Variants in MAST1 observed in about 807,000 individuals in gnomAD.
MAST1 encodes microtubule-associated serine/threonine-protein kinase 1.
In MAST1, 40 loss-of-function variants were observed where a neutral mutation model predicts 124.6. The observed-to-expected ratio is 0.32, with a 90% CI of 0.25 to 0.42. MAST1 has a LOEUF of 0.42. Ranked by LOEUF, MAST1 falls within the 10% of genes least tolerant of loss-of-function variation. The pLI, the probability that MAST1 is intolerant of heterozygous loss-of-function variation, is 1.00. For missense variants in MAST1, 1,558 were observed against 2,181.9 expected (o/e 0.71, Z 5.70); for synonymous variants, 938 against 939.4 (o/e 1.00, Z 0.03).
intron 3 of MAST1, among the ~76,000 whole-genome samples, chr19:12,842,734 T>G (rs781222559): frequency 2.0e-5 from 3 of 152,190 alleles, no homozygotes; most frequent in Non-Finnish European, 4.4e-5. Flanking sequence ...TGTGCAAGTT[T>G]CAATGTGTGG....
rs1410706513 is a variant in MAST1 at position 12,866,150 on chromosome 19, G to C, written c.2029+48G>C. ...ACCTGGGTCGAGGGGTGGGATCCGGGAAGAGGGACCCTGGGGTAAGTAAAG... is the reference window on the plus strand; with the variant it reads ...ACCTGGGTCGAGGGGTGGGATCCGGCAAGAGGGACCCTGGGGTAAGTAAAG... On this transcript the variant is annotated intron_variant, in intron 17 of 25. Transcript: ENST00000251472. This position sits in a 1 kb window ranked among gnomAD's most constrained non-coding sequence, Gnocchi z 5.2. 1 of 1,596,262 alleles carries C rather than the reference G, an allele frequency of 6.3e-7. No homozygotes were observed. Among genetic ancestry groups the C allele is most frequent in the Non-Finnish European group, 8.5e-7 (1 of 1,170,094 alleles).
In MAST1 at chr19:12,865,896, GT is replaced by G. The variant is rs1970147994; in HGVS notation, c.1906+79del. The G allele has an allele frequency of 6.2e-7, 1 of 1,603,856 alleles. No homozygotes were observed. The highest frequency in any genetic ancestry group is 8.5e-7 in the Non-Finnish European group (1 of 1,172,542). ...CAAAACCCCAGGCCCAGCCTGTGCT[GT>G]GGCCCCGGGGCGGAAGACATGGGGG... is the stretch of plus-strand genomic sequence containing the variant. On this transcript the variant is annotated intron_variant, in intron 16 of 25. Transcript: ENST00000251472. The surrounding 1 kb of genome is among the most constrained non-coding windows in gnomAD (Gnocchi z 7.1).
chr19:12,853,129 C>A (rs1405981363), intron 10 of MAST1, among the ~76,000 whole-genome samples: 1 of 151,062 alleles, frequency 6.6e-6, no homozygotes, highest in Non-Finnish European at 1.5e-5. Context: ...TAACACCACA[C>A]CCGGCTAATT....
rs1038954605 is a variant in MAST1, at chr19:12,873,399, G to A, written c.3339G>A (p.Ser1113=). The A allele has an allele frequency of 6.2e-7, 1 of 1,613,806 alleles. No homozygotes were observed. The highest frequency in any genetic ancestry group is 1.3e-5 in the African/African-American group (1 of 74,920). The part of the protein sequence containing the change: ...NLLHTSRSLS[S]LNRSLSSSDS... Reference sequence around the variant, plus strand: ...TGCATACTAGCCGCTCGCTGTCGTCGCTGAACCGCTCGCTGTCATCCAGCG... The same window carrying A: ...TGCATACTAGCCGCTCGCTGTCGTCACTGAACCGCTCGCTGTCATCCAGCG... Residue 1113 remains serine, a synonymous_variant, in exon 25 of 26, where the codon TCG becomes TCA. Coordinates refer to ENST00000251472, the MANE Select transcript of MAST1 (RefSeq NM_014975.3).
At chr19:12,840,632 T>G in intron 2 of MAST1, 98 bp downstream of exon 2, 1 of 891,572 alleles carries the variant, frequency 1.1e-6, no homozygotes, top group Non-Finnish European at 1.8e-6. Flanking sequence ...GGGGCGCAGT[T>G]TGAATGGAGG....
At position 12,874,819 on chromosome 19, in the gene MAST1, A is replaced by T; in HGVS notation, c.4662A>T (p.Pro1554=). 1.3e-6 allele frequency: 2 copies of T among 1,599,372 alleles called. No individual in the cohort carries two copies. Among genetic ancestry groups the T allele is most frequent in the Non-Finnish European group, 1.7e-6 (2 of 1,170,608 alleles). Reference sequence around the variant, plus strand: ...GGTGCCCTGCTGAAGCTGTGCCCCCAGCAGGCCTGACCAAAAAAGGAGTGT... The same window carrying T: ...GGTGCCCTGCTGAAGCTGTGCCCCCTGCAGGCCTGACCAAAAAAGGAGTGT... ...TSRCPAEAVP[P]AGLTKKGVSS... is the part of the protein sequence containing the mutation. The change falls in exon 26 of 26, where the codon CCA becomes CCT. Residue 1554 remains proline (P), a synonymous_variant. Transcript: ENST00000251472. This position sits in a 1 kb window ranked among gnomAD's most constrained non-coding sequence, Gnocchi z 6.6.
At position 12,874,067 on chromosome 19, in the gene MAST1, C is replaced by A. The variant is rs1353616246; in HGVS notation, c.3910C>A (p.Leu1304Met). 1 of 1,593,456 alleles carries A rather than the reference C, an allele frequency of 6.3e-7. No homozygotes were observed. The highest frequency in any genetic ancestry group is 1.8e-5 in the Admixed American group (1 of 56,402). The part of the protein sequence containing the change: ...FRKDFHGELA[L>M]HSLAESDGET... ...CAAGGACTTCCATGGCGAGCTGGCG[C>A]TGCATAGCCTTGCCGAGTCCGACGG... The change falls in exon 26 of 26, where the codon CTG (leucine) becomes ATG (methionine). Residue 1304 changes from leucine (L) to methionine (M), a missense_variant. Coordinates refer to ENST00000251472, the MANE Select transcript of MAST1 (RefSeq NM_014975.3). This position sits in a 1 kb window ranked among gnomAD's most constrained non-coding sequence, Gnocchi z 6.6.
Position 12,873,888 on chromosome 19 carries a change from C to CCGT in MAST1, c.3735_3737dup (p.Val1246dup). ...CCGGCCAAACTGCACTCATCGCCTCCCGTCGTGCGCCCGCGCCCCAAGAGT... is the reference window on the plus strand; with the variant it reads ...CCGGCCAAACTGCACTCATCGCCTCCCGTCGTCGTGCGCCCGCGCCCCAAGAGT... On this transcript the variant is annotated inframe_insertion, in exon 26 of 26. Transcript: ENST00000251472. The CCGT allele has an allele frequency of 6.3e-7, 1 of 1,580,744 alleles. No individual in the cohort carries two copies.
At chr19:12,863,716 T>C (rs1364163276) in intron 12 of MAST1, among the ~76,000 whole-genome samples, 2 of 152,148 alleles carry the variant, frequency 1.3e-5, no homozygotes, top group Non-Finnish European at 1.5e-5. Flanking sequence ...ACTGCCCCGG[T>C]TGCTGCACAT....
chr19:12,854,969 G>A (rs994997988), intron 10 of MAST1, among the ~76,000 whole-genome samples: 6 of 152,132 alleles, frequency 3.9e-5, no homozygotes, highest in Admixed American at 6.6e-5. Flanking sequence ...GATGGCTCAC[G>A]GCTGTAATCC....
intron 24 of MAST1, among the ~76,000 whole-genome samples, chr19:12,872,401 C>T (rs1031386601): frequency 6.6e-6 from 1 of 151,864 alleles, no homozygotes; most frequent in African/African-American, 2.4e-5. Context: ...GTGGAAGAGG[C>T]GGGACTAGAG....
rs200192170 is a variant in MAST1 at position 12,852,349 on chromosome 19, A to G, written c.1031A>G (p.Gln344Arg). Reference sequence around the variant, plus strand: ...CTAGATGTGGTGCATCTGGAGGAACAGGACAGTGGTGGTTCCAACACCCCT... The same window carrying G: ...CTAGATGTGGTGCATCTGGAGGAACGGGACAGTGGTGGTTCCAACACCCCT... ...PFPDVVHLEEQDSGGSNTPEQ... is the reference protein window; with the variant it reads ...PFPDVVHLEERDSGGSNTPEQ... The change falls in exon 10 of 26, where the codon CAG (glutamine) becomes CGG (arginine). Residue 344 changes from glutamine to arginine, a missense_variant. By Grantham distance (43) the Gln-to-Arg change is conservative. Transcript: ENST00000251472. The G allele has an allele frequency of 1.6e-5, 26 of 1,613,652 alleles. No homozygotes were observed. The East Asian group carries it at 4.7e-4, about 29-fold the overall frequency.
At position 12,867,997 on chromosome 19, in the gene MAST1, G is replaced by A. The variant is rs116174774; in HGVS notation, c.2566+20G>A. The A allele has an allele frequency of 1.8e-3, 2,656 of 1,515,616 alleles. 36 individuals are homozygous for A. The African/African-American group carries it at 0.032, about 18-fold the overall frequency. 93.9% of individuals were successfully genotyped at this position (1,515,616 alleles called of 1,614,324 possible). A position where few individuals can be genotyped will look rare whatever the true frequency, so the allele number is the denominator to read the frequency against. ...AGGCCAGTGAGTGCCCTATCGTGCT[G>A]CCTTCCCCAATCTTCCCCAATGTCC... On this transcript the variant is annotated intron_variant, in intron 20 of 25. Coordinates refer to ENST00000251472, the MANE Select transcript of MAST1 (RefSeq NM_014975.3).
In MAST1 at chr19:12,858,668, C is replaced by T. The variant is rs1970045229; in HGVS notation, c.1295C>T (p.Pro432Leu). 6.2e-7 allele frequency: 1 copy of T among 1,614,222 alleles called. No homozygotes were observed. ...GATATCCTCACCTTCGCCGAGAACC[C>T]GTTTGTGGTCGGCATGTTCTGCTCC... ...ERDILTFAEN[P>L]FVVGMFCSFE... Residue 432 changes from proline to leucine, a missense_variant, in exon 12 of 26, where the codon CCG becomes CTG. Coordinates refer to ENST00000251472, the MANE Select transcript of MAST1 (RefSeq NM_014975.3).
Position 12,843,426 on chromosome 19 carries a change from C to A in MAST1, c.249-103C>A. 1.2e-6 allele frequency: 1 copy of A among 818,920 alleles called. No homozygotes were observed. The highest frequency in any genetic ancestry group is 2.0e-6 in the Non-Finnish European group (1 of 497,832). 50.7% of individuals were successfully genotyped at this position (818,920 alleles called of 1,614,324 possible). A position where few individuals can be genotyped will look rare whatever the true frequency, so the allele number is the denominator to read the frequency against. ...GAATCTTAGAGTGCAGATATATTCC[C>A]CCAACCCCCACCCTGGCCCTGGCCA... is the stretch of plus-strand genomic sequence containing the variant. On this transcript the variant is annotated intron_variant, in intron 3 of 25. Transcript: ENST00000251472. This position sits in a 1 kb window ranked among gnomAD's most constrained non-coding sequence, Gnocchi z 4.9.
At chr19:12,842,696 C>T (rs904475309) in intron 3 of MAST1, among the ~76,000 whole-genome samples, 3 of 152,150 alleles carry the variant, frequency 2.0e-5, no homozygotes, top group Admixed American at 6.5e-5. Flanking sequence ...TGTGCATCTG[C>T]GTGCGAGTGT....
intron 10 of MAST1, 90 bp downstream of exon 10, chr19:12,852,485 G>A: frequency 8.1e-7 from 1 of 1,234,664 alleles, no homozygotes. Context: ...CAGGCTTTGT[G>A]GATCTCTTGG....
At chr19:12,855,765 A>C (rs931037869) in intron 10 of MAST1, among the ~76,000 whole-genome samples, 1 of 152,192 alleles carries the variant, frequency 6.6e-6, no homozygotes, top group African/African-American at 2.4e-5. Flanking sequence ...ACTCTAAAAA[A>C]AGGTATTTAT....
In MAST1 at chr19:12,871,208, G is replaced by A. The variant is rs750160042; in HGVS notation, c.3263+36G>A. The stretch of plus-strand genomic sequence containing the variant: ...CCGTAAACAGCCTGGTCTTTGAGCA[G>A]TGGGTGGAACTTAGGCGGGAGGGGC... On this transcript the variant is annotated intron_variant, in intron 24 of 25. Coordinates refer to ENST00000251472, the MANE Select transcript of MAST1 (RefSeq NM_014975.3). 8 of 1,612,850 alleles carry A rather than the reference G, an allele frequency of 5.0e-6. No homozygotes were observed. The African/African-American group carries it at 1.1e-4, about 22-fold the overall frequency.
Sources: allele counts gnomAD v4.1 joint callset (sites outside exome capture counted in the v4.1 genomes callset), GRCh38; gene constraint gnomAD v4.1.1; non-coding constraint Gnocchi (gnomAD v3.1); transcripts MANE v1.5; gene names NCBI Gene and HGNC (gene_info 2026-07-23, HGNC 2026-07-21).